The following NTNG2 variants were observed in gnomAD, a reference collection of about 807,000 sequenced individuals.
NTNG2 encodes the protein netrin-G2.
Under a neutral mutation model 47.6 loss-of-function variants are expected in NTNG2, and 15 were observed. That is an observed-to-expected ratio of 0.32 (90% CI 0.21 to 0.49). NTNG2 has a LOEUF of 0.49. Among genes scored for constraint, NTNG2 ranks in the 20% least tolerant of loss-of-function variants. The pLI is 0.99. For missense variants in NTNG2, 578 were observed against 764.6 expected, an observed-to-expected ratio of 0.76 and a Z score of 2.88; for synonymous variants, 307 against 324.6, an observed-to-expected ratio of 0.95 and a Z score of 0.58.
chr9:132,219,833 G>A (rs1840235481), intron 3 of NTNG2, among the ~76,000 whole-genome samples: 1 of 152,166 alleles, frequency 6.6e-6, no homozygotes, highest in Non-Finnish European at 1.5e-5. Context: ...CACATTTTGT[G>A]TGGACATGTT....
Position 132,197,733 on chromosome 9 carries a change from T to C in NTNG2, c.214-233T>C, listed in dbSNP as rs913175423. Among the ~76,000 whole-genome samples, 1 of 152,172 alleles carries C rather than the reference T, an allele frequency of 6.6e-6. No individual in the cohort carries two copies. The highest frequency in any genetic ancestry group is 1.5e-5 in the Non-Finnish European group (1 of 68,020). On this transcript the variant is annotated intron_variant, in intron 2 of 7. Transcript: ENST00000393229. This position sits in a 1 kb window ranked among gnomAD's most constrained non-coding sequence, Gnocchi z 4.3. ...CCCAGCCTTCTTGGTTGTCTGTATT[T>C]AGAGCAAGGACAAGTATGCATTTTT...
In NTNG2 at chr9:132,243,356, G is replaced by T. The variant is rs545581445; in HGVS notation, c.*1245G>T. 6.6e-6 allele frequency: 1 copy of T among 152,254 alleles called. No homozygotes were observed. The highest frequency in any genetic ancestry group is 1.5e-5 in the Non-Finnish European group (1 of 68,088). 9.4% of individuals were successfully genotyped at this position (152,254 alleles called of 1,614,324 possible). The stretch of plus-strand genomic sequence containing the variant: ...GGCGGGCAGTGCAGAGACCCCAGAC[G>T]TGCCGGCCCTGTCCTCCCTACCTTC... On this transcript the variant is annotated 3_prime_UTR_variant, in exon 8 of 8. Transcript: ENST00000393229.
intron 3 of NTNG2, among the ~76,000 whole-genome samples, chr9:132,222,664 G>A (rs533338610): frequency 4.1e-4 from 62 of 152,288 alleles, no homozygotes; most frequent in Admixed American, 3.9e-3. Context: ...GTAACCTAAA[G>A]CGGTGGGTTC....
intron 6 of NTNG2, 59 bp from the exon 7 acceptor site, chr9:132,240,846 GGGGTC>G: frequency 6.2e-7 from 1 of 1,609,056 alleles, no homozygotes; most frequent in Non-Finnish European, 8.5e-7. Flanking sequence ...CGGGAGAGTG[GGGGTC>G]CGAGAAGACG....
At chr9:132,234,398 G>A (rs549559692) in intron 5 of NTNG2, among the ~76,000 whole-genome samples, 1 of 152,318 alleles carries the variant, frequency 6.6e-6, no homozygotes, top group East Asian at 1.9e-4. Flanking sequence ...GGCTTCCATG[G>A]GGCCTTGGCA....
chr9:132,181,515 T>C (rs1836934947), intron 2 of NTNG2, among the ~76,000 whole-genome samples: 1 of 152,116 alleles, frequency 6.6e-6, no homozygotes, highest in Non-Finnish European at 1.5e-5. Flanking sequence ...GAGACAAAGT[T>C]TCACCATGTT....
chr9:132,175,966 G>A (rs1398233984), intron 2 of NTNG2, among the ~76,000 whole-genome samples: 10 of 152,098 alleles, frequency 6.6e-5, no homozygotes, highest in East Asian at 1.9e-4. Flanking sequence ...TGTATACCCC[G>A]GGCTCAGCAT....
At chr9:132,171,002 G>A (rs1303564605) in intron 2 of NTNG2, among the ~76,000 whole-genome samples, 1 of 152,206 alleles carries the variant, frequency 6.6e-6, no homozygotes. Flanking sequence ...AGGCATTGCT[G>A]AGGGGAGACA....
At chr9:132,203,173 G>A (rs182479878) in intron 3 of NTNG2, among the ~76,000 whole-genome samples, 2 of 151,946 alleles carry the variant, frequency 1.3e-5, no homozygotes, top group Non-Finnish European at 2.9e-5. Context: ...TGCAGAGGCT[G>A]GAAACACAAC....
At chr9:132,220,183 G>C (rs559170613) in intron 3 of NTNG2, among the ~76,000 whole-genome samples, 2 of 152,212 alleles carry the variant, frequency 1.3e-5, no homozygotes, top group African/African-American at 4.8e-5. Flanking sequence ...TTAAAAACTG[G>C]ATTATTTGTC....
chr9:132,237,096 G>T (rs1223281716), intron 5 of NTNG2, among the ~76,000 whole-genome samples: 1 of 152,204 alleles, frequency 6.6e-6, no homozygotes, highest in Non-Finnish European at 1.5e-5. Context: ...GGGCGCGGGG[G>T]TGTCAGGGGT....
At chr9:132,186,194 C>T (rs1837368443) in intron 2 of NTNG2, among the ~76,000 whole-genome samples, 1 of 152,170 alleles carries the variant, frequency 6.6e-6, no homozygotes, top group South Asian at 2.1e-4. Flanking sequence ...TAGAGGTATG[C>T]AAGAGAAGGG....
At chr9:132,206,170 C>A (rs932261050) in intron 3 of NTNG2, among the ~76,000 whole-genome samples, 4 of 152,184 alleles carry the variant, frequency 2.6e-5, no homozygotes, top group African/African-American at 9.7e-5. Context: ...GGTTCTTCTA[C>A]TGGGGCCTAT....
chr9:132,177,641 T>C (rs2131338209), intron 2 of NTNG2, among the ~76,000 whole-genome samples: 1 of 152,254 alleles, frequency 6.6e-6, no homozygotes. Context: ...CTCTCAAATC[T>C]CTGGGTTTTT....
chr9:132,235,630 T>G (rs934669090), intron 5 of NTNG2, among the ~76,000 whole-genome samples: 39 of 152,160 alleles, frequency 2.6e-4, no homozygotes, highest in Non-Finnish European at 4.7e-4. Context: ...TAACTTGGTT[T>G]CTTCTCTTCT....
At chr9:132,164,858 G>A (rs879280833) in intron 1 of NTNG2, among the ~76,000 whole-genome samples, 8 of 152,232 alleles carry the variant, frequency 5.3e-5, no homozygotes, top group Non-Finnish European at 1.2e-4. Flanking sequence ...GGCCCTGGCT[G>A]GGGGCTGCTC....
At chr9:132,230,326 T>C (rs1841105034) in intron 4 of NTNG2, among the ~76,000 whole-genome samples, 1 of 152,244 alleles carries the variant, frequency 6.6e-6, no homozygotes, top group Non-Finnish European at 1.5e-5. Context: ...AGTGTCTCCT[T>C]CTGCAAAATG....
rs539605916 is a variant in NTNG2 at position 132,231,242 on chromosome 9, T to C, written c.1054+647T>C. On this transcript the variant is annotated intron_variant, in intron 5 of 7. Coordinates refer to ENST00000393229, the MANE Select transcript of NTNG2 (RefSeq NM_032536.4). This position sits in a 1 kb window ranked among gnomAD's most constrained non-coding sequence, Gnocchi z 4.1. ...GCCCACAGGTTATCAGTAAATGTCATCGAGACTGTCCCCAGACACTCACAG... is the reference window on the plus strand; with the variant it reads ...GCCCACAGGTTATCAGTAAATGTCACCGAGACTGTCCCCAGACACTCACAG... 254 of 452,582 alleles carry C rather than the reference T, an allele frequency of 5.6e-4. No homozygotes were observed. Among genetic ancestry groups the C allele is most frequent in the Admixed American group, 1.2e-3 (52 of 41,894 alleles). 28.0% of individuals were successfully genotyped at this position (452,582 alleles called of 1,614,324 possible).
intron 3 of NTNG2, among the ~76,000 whole-genome samples, chr9:132,214,173 C>T (rs566579177): frequency 3.9e-5 from 6 of 152,246 alleles, no homozygotes; most frequent in African/African-American, 1.2e-4. Context: ...TCACTCTTTC[C>T]GGCAGCCAGG....
Sources: gnomAD v4.1 joint callset for allele counts (sites outside exome capture counted in the v4.1 genomes callset) on GRCh38, gnomAD v4.1.1 for gene constraint, Gnocchi (gnomAD v3.1) non-coding constraint, MANE v1.5 for transcripts, NCBI Gene and HGNC (gene_info 2026-07-23, HGNC 2026-07-21) for gene names.